Variants in RPTOR observed in about 807,000 individuals in gnomAD.
RPTOR encodes regulatory-associated protein of mTOR.
RPTOR carries 21 observed loss-of-function variants against 169.9 expected under a neutral mutation model. That is an observed-to-expected ratio of 0.12 (90% CI 0.09 to 0.18). The LOEUF (loss-of-function observed/expected upper bound fraction) is 0.18, where lower values mean the gene tolerates loss of function less well. RPTOR is among the 10% of genes least tolerant of loss of function. The pLI, the probability that RPTOR is intolerant of heterozygous loss-of-function variation, is 1.00. For missense variants in RPTOR, 1,133 were observed against 1,855.9 expected (o/e 0.61, Z 7.16); for synonymous variants, 732 against 753.2 (o/e 0.97, Z 0.46).
At chr17:80,887,200 G>A (rs1450594132) in intron 17 of RPTOR, among the ~76,000 whole-genome samples, 4 of 151,718 alleles carry the variant, frequency 2.6e-5, no homozygotes, top group African/African-American at 4.8e-5. Flanking sequence ...CCGGAGGTGC[G>A]CTGGCTCTGA....
chr17:80,647,979 C>A (rs2065610254), intron 3 of RPTOR, among the ~76,000 whole-genome samples: 1 of 152,118 alleles, frequency 6.6e-6, no homozygotes, highest in South Asian at 2.1e-4. Context: ...TCAGATGTGT[C>A]ACAGTTAATT....
intron 3 of RPTOR, among the ~76,000 whole-genome samples, chr17:80,644,090 T>C (rs1215665715): frequency 6.6e-6 from 1 of 152,242 alleles, no homozygotes; most frequent in Non-Finnish European, 1.5e-5. Flanking sequence ...AAAGTATTCT[T>C]TTCGCTCTTA....
rs1355280568 is a variant in RPTOR at position 80,923,707 on chromosome 17, C to CTG, written c.2808+35_2808+36dup. 10 of 1,529,678 alleles carry CTG rather than the reference C, an allele frequency of 6.5e-6. No individual in the cohort carries two copies. The African/African-American group carries it at 9.6e-5, about 15-fold the overall frequency. The allele number at this position is 1,529,678 out of a possible 1,614,324, so 94.8% of individuals were successfully genotyped here. A position where few individuals can be genotyped will look rare whatever the true frequency, so the allele number is the denominator to read the frequency against. ...GCCCGGCTGCCTGGTGATCTGGACA[C>CTG]TGAGAGCGTTGCTTCTCAGATGGGG... On this transcript the variant is annotated intron_variant, in intron 23 of 33. Transcript: ENST00000306801.
chr17:80,704,901 A>G (rs2066130618), intron 3 of RPTOR, among the ~76,000 whole-genome samples: 1 of 152,408 alleles, frequency 6.6e-6, no homozygotes, highest in South Asian at 2.1e-4. Context: ...TCCTGCTGAA[A>G]GGGTTCAAGA....
At chr17:80,930,897 G>A (rs933474583) in intron 24 of RPTOR, among the ~76,000 whole-genome samples, 6 of 152,370 alleles carry the variant, frequency 3.9e-5, no homozygotes, top group South Asian at 2.1e-4. Flanking sequence ...TGTAGTGCCA[G>A]CGCCTGTCTG....
intron 10 of RPTOR, among the ~76,000 whole-genome samples, 173 bp from the exon 11 acceptor site, chr17:80,846,300 T>C (rs1049690276): frequency 6.6e-6 from 1 of 152,226 alleles, no homozygotes; most frequent in African/African-American, 2.4e-5. Flanking sequence ...CCCCGCAGGC[T>C]CTCCCTCTTT....
intron 13 of RPTOR, among the ~76,000 whole-genome samples, chr17:80,867,855 GAAATGAAGGAAGACCTAAATA>G (rs1276133937): frequency 6.6e-6 from 1 of 152,140 alleles, no homozygotes; most frequent in Non-Finnish European, 1.5e-5. Context: ...ATTGTGAAAA[GAAATGAAGGAAGACCTAAATA>G]AATGAAGAGA....
intron 7 of RPTOR, among the ~76,000 whole-genome samples, chr17:80,812,585 T>G (rs2067284269): frequency 6.6e-6 from 1 of 152,100 alleles, no homozygotes. Context: ...TGCTGCTGGG[T>G]CCCTTTTTTG....
intron 1 of RPTOR, among the ~76,000 whole-genome samples, chr17:80,617,095 A>T (rs919846786): frequency 6.6e-6 from 1 of 152,170 alleles, no homozygotes; most frequent in African/African-American, 2.4e-5. Flanking sequence ...ATGCTTATAG[A>T]AATAACATGT....
chr17:80,766,050 G>A (rs1391641973), intron 6 of RPTOR, among the ~76,000 whole-genome samples: 1 of 152,128 alleles, frequency 6.6e-6, no homozygotes, highest in Non-Finnish European at 1.5e-5. Flanking sequence ...ACTGATTCTA[G>A]CATGTACTTT....
intron 1 of RPTOR, among the ~76,000 whole-genome samples, chr17:80,558,345 G>A (rs2084436884): frequency 1.3e-5 from 2 of 152,200 alleles, no homozygotes; most frequent in Admixed American, 6.5e-5. Context: ...ATTGGTGGGT[G>A]TGACTGCAGA....
At chr17:80,835,222 G>T (rs1346115752) in intron 9 of RPTOR, among the ~76,000 whole-genome samples, 1 of 152,104 alleles carries the variant, frequency 6.6e-6, no homozygotes, top group Non-Finnish European at 1.5e-5. Flanking sequence ...GTGAAAAATT[G>T]CTCTTTAGTC....
intron 28 of RPTOR, among the ~76,000 whole-genome samples, chr17:80,950,574 T>TG (rs1318940428): frequency 6.6e-6 from 1 of 152,086 alleles, no homozygotes; most frequent in African/African-American, 2.4e-5. Flanking sequence ...CCGCACTCCG[T>TG]GGGGGCCCTT....
At chr17:80,942,278 C>T (rs1219253657) in intron 25 of RPTOR, among the ~76,000 whole-genome samples, 1 of 151,614 alleles carries the variant, frequency 6.6e-6, no homozygotes, top group Non-Finnish European at 1.5e-5. Context: ...GAGTCTGCCT[C>T]ACACAGTTCA....
chr17:80,655,375 A>AT (rs1470797048), intron 3 of RPTOR, among the ~76,000 whole-genome samples: 1 of 151,796 alleles, frequency 6.6e-6, no homozygotes, highest in African/African-American at 2.4e-5. Context: ...TATGAGCCAT[A>AT]TTTTTTGTTT....
rs1246876965 is a variant in RPTOR at position 80,915,632 on chromosome 17, CTGGGT to C, written c.2520+6704_2520+6708del. On this transcript the variant is annotated intron_variant, in intron 21 of 33. Transcript: ENST00000306801. The stretch of plus-strand genomic sequence containing the variant: ...AGCTGCGGAGAGGAGCTACCCACTC[CTGGGT>C]CTCCTCTCTGCTGAGAGCTGAGCAG... Among the ~76,000 whole-genome samples the C allele has an allele frequency of 4.0e-4, 10 of 24,856 alleles. 1 individual carries two copies. The highest frequency in any genetic ancestry group is 7.8e-4 in the Admixed American group (2 of 2,570). The allele number at this position is 24,856 out of a possible 152,430, so 16.3% of individuals were successfully genotyped here. A position where few individuals can be genotyped will look rare whatever the true frequency, so the allele number is the denominator to read the frequency against.
intron 5 of RPTOR, among the ~76,000 whole-genome samples, chr17:80,731,345 A>G (rs1358745600): frequency 1.3e-5 from 2 of 152,128 alleles, no homozygotes; most frequent in African/African-American, 4.8e-5. Context: ...AAATGGACCC[A>G]CAGCTTCAGT....
intron 3 of RPTOR, among the ~76,000 whole-genome samples, chr17:80,668,440 T>C (rs536066561): frequency 1.3e-5 from 2 of 152,132 alleles, no homozygotes; most frequent in South Asian, 4.2e-4. Context: ...CCGCAGGAGG[T>C]CTTCGCGCCC....
At chr17:80,741,674 C>T (rs1598270726) in intron 5 of RPTOR, among the ~76,000 whole-genome samples, 1 of 152,274 alleles carries the variant, frequency 6.6e-6, no homozygotes, top group South Asian at 2.1e-4. Flanking sequence ...GGGCATACAG[C>T]AGCACGCAAG....
Sources: gnomAD v4.1 joint callset for allele counts (sites outside exome capture counted in the v4.1 genomes callset) on GRCh38, gnomAD v4.1.1 for gene constraint, MANE v1.5 for transcripts, NCBI Gene and HGNC (gene_info 2026-07-23, HGNC 2026-07-21) for gene names.